The following ADARB2 variants were observed in gnomAD, a reference collection of about 807,000 sequenced individuals.
ADARB2 encodes adenosine deaminase RNA specific B2 (inactive).
ADARB2 carries 25 observed loss-of-function variants against 62.2 expected under a neutral mutation model. The observed-to-expected ratio is 0.40, with a 90% CI of 0.29 to 0.56. The LOEUF is 0.56. Ranked by LOEUF, ADARB2 falls within the 20% of genes least tolerant of loss-of-function variation. The pLI, the probability that ADARB2 is intolerant of heterozygous loss-of-function variation, is 0.43. For synonymous variants in ADARB2, 572 were observed against 500.8 expected (o/e 1.14, Z -1.90); for missense variants, 1,071 against 1,077.4 (o/e 0.99, Z 0.08).
chr10:1,438,758 G>A lies in ADARB2; in HGVS notation c.101-59598C>T, dbSNP rs1277847272. 1.5e-3 allele frequency among the ~76,000 whole-genome samples: 222 copies of A among 145,108 alleles called. No homozygotes were observed. The Middle Eastern group carries it at 0.025, about 16-fold the overall frequency. On this transcript the variant is annotated intron_variant, in intron 1 of 9. Coordinates refer to ENST00000381312, the MANE Select transcript of ADARB2 (RefSeq NM_018702.4). ...ATGGAGGCAGGTTCTTCACTATGGG[G>A]CTCCTGAGTCTCTCCCAGGATGGAG...
intron 1 of ADARB2, among the ~76,000 whole-genome samples, chr10:1,621,772 T>C (rs1795989201): frequency 6.6e-6 from 1 of 152,236 alleles, no homozygotes; most frequent in African/African-American, 2.4e-5. Flanking sequence ...AATGTCAAGA[T>C]GTCAAGATAA....
intron 1 of ADARB2, among the ~76,000 whole-genome samples, chr10:1,490,896 T>C (rs550692790): frequency 6.6e-6 from 1 of 152,190 alleles, no homozygotes; most frequent in South Asian, 2.1e-4. Flanking sequence ...CGTCAGCAGA[T>C]AGGATGCCAT....
At chr10:1,183,402 C>T (rs779519061) in intron 9 of ADARB2, 33 bp from the exon 10 acceptor site, 5 of 1,596,452 alleles carry the variant, frequency 3.1e-6, no homozygotes, top group Non-Finnish European at 4.3e-6. Flanking sequence ...GCCAATCAGA[C>T]ACCAGCAGAA....
chr10:1,232,489 A>G (rs1830815989), intron 6 of ADARB2, among the ~76,000 whole-genome samples: 1 of 143,170 alleles, frequency 7.0e-6, no homozygotes, highest in Non-Finnish European at 1.5e-5. Flanking sequence ...TGTAGTGTAC[A>G]TGCTATGCAT....
At chr10:1,624,385 A>G (rs2132028618) in intron 1 of ADARB2, among the ~76,000 whole-genome samples, 1 of 152,340 alleles carries the variant, frequency 6.6e-6, no homozygotes, top group East Asian at 1.9e-4. Flanking sequence ...TCCAGCGAGC[A>G]TGCCGTCCTG....
intron 1 of ADARB2, among the ~76,000 whole-genome samples, chr10:1,466,904 G>A (rs1564298242): frequency 1.3e-5 from 2 of 152,130 alleles, no homozygotes; most frequent in South Asian, 2.1e-4. Context: ...ACAGCCCTGC[G>A]TGTTGACTTC....
chr10:1,648,092 T>A (rs779041708), intron 1 of ADARB2, among the ~76,000 whole-genome samples: 2 of 152,238 alleles, frequency 1.3e-5, no homozygotes, highest in Admixed American at 1.3e-4. Flanking sequence ...GCAGAAAGTT[T>A]AGGAAACTGA....
Position 1,737,102 on chromosome 10 carries a change from G to C in ADARB2, c.49C>G (p.Gln17Glu), listed in dbSNP as rs1835312040. 1 of 1,611,532 alleles carries C rather than the reference G, an allele frequency of 6.2e-7. No individual in the cohort carries two copies. The change falls in exon 1 of 10, where the codon CAA becomes GAA. Residue 17 changes from glutamine (Q) to glutamate (E), a missense_variant. Physicochemically the swap from Gln to Glu is conservative, Grantham distance 29 (BLOSUM62 2). Coordinates refer to ENST00000381312, the MANE Select transcript of ADARB2 (RefSeq NM_018702.4). ...SGRGSGGLSS[Q>E]LKCKSKRRRR... The stretch of plus-strand genomic sequence containing the variant: ...CTCCTCTTGGACTTGCATTTGAGTT[G>C]ACTGCTCAGCCCTCCAGACCCTCTG...
At chr10:1,610,226 C>G (rs919026361) in intron 1 of ADARB2, among the ~76,000 whole-genome samples, 2 of 152,196 alleles carry the variant, frequency 1.3e-5, no homozygotes, top group South Asian at 4.1e-4. Flanking sequence ...GCCCCAGGGC[C>G]CCTACACGGG....
intron 1 of ADARB2, among the ~76,000 whole-genome samples, chr10:1,661,826 G>C (rs1449324326): frequency 2.0e-5 from 3 of 152,198 alleles, no homozygotes; most frequent in African/African-American, 2.4e-5. Flanking sequence ...AAGTGCAAAG[G>C]GACGGGGAGA....
chr10:1,368,269 G>A (rs1285578635), intron 2 of ADARB2, among the ~76,000 whole-genome samples: 2 of 152,202 alleles, frequency 1.3e-5, no homozygotes, highest in African/African-American at 2.4e-5. Context: ...TGCCTTACAA[G>A]TTTCTTACAG....
At chr10:1,629,085 G>A (rs192016421) in intron 1 of ADARB2, among the ~76,000 whole-genome samples, 7 of 152,364 alleles carry the variant, frequency 4.6e-5, no homozygotes, top group African/African-American at 1.4e-4. Flanking sequence ...GGCTCAAGCT[G>A]TTCGCCAGGG....
At chr10:1,393,529 A>C (rs2131867251) in intron 1 of ADARB2, among the ~76,000 whole-genome samples, 1 of 152,256 alleles carries the variant, frequency 6.6e-6, no homozygotes, top group Non-Finnish European at 1.5e-5. Flanking sequence ...TTAATTTCTA[A>C]GGCATTTTGT....
At chr10:1,572,007 C>G (rs1432170761) in intron 1 of ADARB2, among the ~76,000 whole-genome samples, 298 of 46,474 alleles carry the variant, frequency 6.4e-3, no homozygotes, top group Middle Eastern at 0.04. Flanking sequence ...GAGTGTGCTG[C>G]TGAGTGGAAA....
rs576597445 is a variant in ADARB2, at chr10:1,226,793, G to A, written c.1513+6901C>T. Among the ~76,000 whole-genome samples, 6 of 152,270 alleles carry A rather than the reference G, an allele frequency of 3.9e-5. No individual in the cohort carries two copies. In the South Asian group the frequency reaches 6.2e-4, roughly 16 times the overall value. On this transcript the variant is annotated intron_variant, in intron 6 of 9. Transcript: ENST00000381312. ...GAAGTTTTGTCTTAGAGGAGTACCC[G>A]GCTGTGTGAGGTGTCAGTCTGCCTC...
At chr10:1,717,479 T>G (rs912587944) in intron 1 of ADARB2, among the ~76,000 whole-genome samples, 2 of 151,914 alleles carry the variant, frequency 1.3e-5, no homozygotes, top group African/African-American at 4.8e-5. Flanking sequence ...TTTCTGTTCT[T>G]TTCTTTCTTC....
intron 3 of ADARB2, among the ~76,000 whole-genome samples, chr10:1,310,914 C>A (rs1831683950): frequency 6.6e-6 from 1 of 152,202 alleles, no homozygotes; most frequent in South Asian, 2.1e-4. Context: ...TACAAGAATG[C>A]AAATTACGTA....
At chr10:1,210,460 T>G in intron 7 of ADARB2, among the ~76,000 whole-genome samples, 1 of 152,180 alleles carries the variant, frequency 6.6e-6, no homozygotes, top group South Asian at 2.1e-4. Flanking sequence ...TCTGTAGGTT[T>G]CACTGGTTTT....
intron 5 of ADARB2, among the ~76,000 whole-genome samples, chr10:1,241,580 C>G (rs1830924172): frequency 6.6e-6 from 1 of 152,198 alleles, no homozygotes; most frequent in African/African-American, 2.4e-5. Flanking sequence ...TTTTGCTCCT[C>G]TCTAAAGTGT....
Sources: allele counts gnomAD v4.1 joint callset (sites outside exome capture counted in the v4.1 genomes callset), GRCh38; gene constraint gnomAD v4.1.1; transcripts MANE v1.5; gene names NCBI Gene and HGNC (gene_info 2026-07-23, HGNC 2026-07-21).